The following TRAF3IP1 variants were observed in gnomAD, a reference collection of about 807,000 sequenced individuals.
The protein encoded by TRAF3IP1 is intraflagellar transport 54.
Under a neutral mutation model 89.9 loss-of-function variants are expected in TRAF3IP1, and 53 were observed. The ratio of observed to expected loss-of-function variants is 0.59; its 90% CI spans 0.47 to 0.74. The LOEUF (loss-of-function observed/expected upper bound fraction) is 0.74. Among genes scored for constraint, TRAF3IP1 ranks in the 30% least tolerant of loss-of-function variants. The pLI is 0.00. For missense variants in TRAF3IP1, 806 were observed against 866.1 expected (o/e 0.93, Z 0.87); for synonymous variants, 311 against 322.1 (o/e 0.97, Z 0.37).
intron 3 of TRAF3IP1, among the ~76,000 whole-genome samples, chr2:238,327,720 C>G (rs1268513434): frequency 6.6e-6 from 1 of 152,104 alleles, no homozygotes; most frequent in African/African-American, 2.4e-5. Flanking sequence ...GACTCTGTCC[C>G]CATGAAACAC....
chr2:238,321,254 G>A (rs928880951), intron 1 of TRAF3IP1, among the ~76,000 whole-genome samples: 2 of 152,224 alleles, frequency 1.3e-5, no homozygotes, highest in African/African-American at 4.8e-5. Context: ...TGCTGGCAGA[G>A]CTGCTTCTGT....
At chr2:238,335,113 T>C (rs1208613796) in intron 7 of TRAF3IP1, among the ~76,000 whole-genome samples, 2 of 152,220 alleles carry the variant, frequency 1.3e-5, no homozygotes, top group Non-Finnish European at 2.9e-5. Flanking sequence ...TGCATGAGTG[T>C]TTCTTTTTCA....
At chr2:238,344,680 A>G (rs1440567882) in intron 9 of TRAF3IP1, 82 bp downstream of exon 9, 1 of 1,231,990 alleles carries the variant, frequency 8.1e-7, no homozygotes, top group Non-Finnish European at 1.2e-6. Flanking sequence ...GCCGCAGCCC[A>G]GAGCCCGAGG....
intron 16 of TRAF3IP1, 21 bp from the exon 17 acceptor site, chr2:238,398,733 G>T (rs758981587): frequency 9.0e-6 from 14 of 1,552,786 alleles, no homozygotes; most frequent in East Asian, 2.3e-5. Context: ...GTGATGAGCC[G>T]CTGGTTTTGT....
At chr2:238,349,476 T>C (rs890443602) in intron 12 of TRAF3IP1, 68 bp downstream of exon 12, 2 of 1,476,566 alleles carry the variant, frequency 1.4e-6, no homozygotes, top group Middle Eastern at 1.8e-4. Context: ...GTGCCTCCGC[T>C]AAGAGAAGGG....
At position 238,399,695 on chromosome 2, in the gene TRAF3IP1, G is replaced by A. The variant is rs1054767410; in HGVS notation, c.*776G>A. 6.6e-6 allele frequency: 1 copy of A among 152,118 alleles called. No individual in the cohort carries two copies. The highest frequency in any genetic ancestry group is 2.4e-5 in the African/African-American group (1 of 41,414). The allele number at this position is 152,118 out of a possible 1,614,324, so 9.4% of individuals were successfully genotyped here. A position where few individuals can be genotyped will look rare whatever the true frequency, so the allele number is the denominator to read the frequency against. ...GCTAGCGCAGCCCCCCGGAGTCCTT[G>A]TTCTCCTTAAGAGGGTCTCGCTCTG... On this transcript the variant is annotated 3_prime_UTR_variant, in exon 17 of 17. Transcript: ENST00000373327.
chr2:238,344,227 G>A (rs1412048187), intron 8 of TRAF3IP1, among the ~76,000 whole-genome samples: 2 of 152,118 alleles, frequency 1.3e-5, no homozygotes, highest in East Asian at 1.9e-4. Flanking sequence ...AATGGGGGGC[G>A]GGGGCAGTCT....
chr2:238,365,044 G>A (rs1699817691), intron 15 of TRAF3IP1, among the ~76,000 whole-genome samples: 2 of 152,148 alleles, frequency 1.3e-5, no homozygotes, highest in African/African-American at 2.4e-5. Context: ...TGACCTTATC[G>A]TGAACAAGTT....
At chr2:238,386,794 A>G (rs937313174) in intron 15 of TRAF3IP1, among the ~76,000 whole-genome samples, 1 of 152,206 alleles carries the variant, frequency 6.6e-6, no homozygotes, top group African/African-American at 2.4e-5. Context: ...TGCCTTGACC[A>G]CAGTGACCCA....
At position 238,320,543 on chromosome 2, in the gene TRAF3IP1, G is replaced by A. The variant is rs1208842196; in HGVS notation, c.-120G>A. 2 of 1,022,162 alleles carry A rather than the reference G, an allele frequency of 2.0e-6. No individual in the cohort carries two copies. The highest frequency in any genetic ancestry group is 2.3e-6 in the Non-Finnish European group (2 of 854,272). 63.3% of individuals were successfully genotyped at this position (1,022,162 alleles called of 1,614,324 possible). A position where few individuals can be genotyped will look rare whatever the true frequency, so the allele number is the denominator to read the frequency against. On this transcript the variant is annotated 5_prime_UTR_variant, in exon 1 of 17. Coordinates refer to ENST00000373327, the MANE Select transcript of TRAF3IP1 (RefSeq NM_015650.4). Reference sequence around the variant, plus strand: ...GCACTGTGGGATGGAAACCGGAGCGGCGCGTCCTGGCAGGACCGGGCGGCG... The same window carrying A: ...GCACTGTGGGATGGAAACCGGAGCGACGCGTCCTGGCAGGACCGGGCGGCG...
intron 1 of TRAF3IP1, among the ~76,000 whole-genome samples, chr2:238,322,303 C>T (rs146082685): frequency 3.2e-4 from 49 of 152,304 alleles, no homozygotes; most frequent in African/African-American, 1.1e-3. Context: ...AGGGAGTGTG[C>T]CTTATCCTTG....
In TRAF3IP1 at chr2:238,398,758, A is replaced by T; in HGVS notation, c.1915A>T (p.Thr639Ser). 1 of 1,594,256 alleles carries T rather than the reference A, an allele frequency of 6.3e-7. No homozygotes were observed. The highest frequency in any genetic ancestry group is 1.4e-5 in the African/African-American group (1 of 73,748). The change falls in exon 17 of 17, where the codon ACA becomes TCA. Residue 639 changes from threonine to serine, a missense_variant. By Grantham distance (58) the Thr-to-Ser change is moderately conservative (BLOSUM62 1). Coordinates refer to ENST00000373327, the MANE Select transcript of TRAF3IP1 (RefSeq NM_015650.4). ...GCTGGTTTTGTTCTCCCTCAGGATC[A>T]CAGACTGTGCCGTGGAGCCCTTAAA... is the stretch of plus-strand genomic sequence containing the variant. ...AEALQQEQRI[T>S]DCAVEPLKAE...
intron 3 of TRAF3IP1, among the ~76,000 whole-genome samples, chr2:238,326,648 G>A (rs893022201): frequency 2.6e-5 from 4 of 152,106 alleles, no homozygotes; most frequent in African/African-American, 9.7e-5. Flanking sequence ...TCTTTTGAGG[G>A]CCGAGTAGTG....
intron 15 of TRAF3IP1, among the ~76,000 whole-genome samples, chr2:238,372,791 CTGT>C (rs1700162839): frequency 6.6e-6 from 1 of 152,212 alleles, no homozygotes; most frequent in Non-Finnish European, 1.5e-5. Context: ...TCTCCAGCAT[CTGT>C]TGTTTCCTGA....
intron 15 of TRAF3IP1, among the ~76,000 whole-genome samples, chr2:238,382,331 T>C (rs1700584283): frequency 2.0e-5 from 3 of 152,142 alleles, no homozygotes; most frequent in African/African-American, 7.2e-5. Flanking sequence ...AATCGTTGAC[T>C]GTCAAGGATA....
intron 15 of TRAF3IP1, among the ~76,000 whole-genome samples, chr2:238,376,130 G>A (rs1700304986): frequency 6.6e-6 from 1 of 152,162 alleles, no homozygotes; most frequent in Admixed American, 6.5e-5. Flanking sequence ...TTATTGTAGT[G>A]TAAAAGCAAC....
intron 15 of TRAF3IP1, among the ~76,000 whole-genome samples, chr2:238,365,920 T>C (rs1699853593): frequency 6.6e-6 from 1 of 152,184 alleles, no homozygotes; most frequent in Admixed American, 6.5e-5. Flanking sequence ...GTTTTGGATA[T>C]AAAATTTGTT....
chr2:238,375,945 C>T (rs922001903), intron 15 of TRAF3IP1, among the ~76,000 whole-genome samples: 2 of 152,174 alleles, frequency 1.3e-5, no homozygotes, highest in Non-Finnish European at 2.9e-5. Context: ...AAGTTTTCCT[C>T]CTTTCCCCAT....
rs1341712935 is a variant in TRAF3IP1, at chr2:238,332,895, G to A, written c.987G>A (p.Glu329=). The A allele has an allele frequency of 6.2e-7, 1 of 1,608,528 alleles. No homozygotes were observed. The highest frequency in any genetic ancestry group is 1.7e-5 in the Admixed American group (1 of 59,850). Residue 329 remains glutamate (E), a splice_region_variant and synonymous_variant, in exon 6 of 17, where the codon GAG becomes GAA. Transcript: ENST00000373327. ...GTFKDSKAET[E]TEISTRASKS... ...TTAAAGACTCCAAGGCTGAAACAGA[G>A]GTAAACTTTAAAAAATAACTTTTAA...
Sources: gnomAD v4.1 joint callset for allele counts (sites outside exome capture counted in the v4.1 genomes callset) on GRCh38, gnomAD v4.1.1 for gene constraint, MANE v1.5 for transcripts, NCBI Gene and HGNC (gene_info 2026-07-23, HGNC 2026-07-21) for gene names.